The following CTNND2 variants were observed in gnomAD, a reference collection of about 807,000 sequenced individuals.
The protein encoded by CTNND2 is catenin delta 2.
Under a neutral mutation model 144.4 loss-of-function variants are expected in CTNND2, and 22 were observed. That is an observed-to-expected ratio of 0.15 (90% confidence interval 0.11 to 0.22). The LOEUF (loss-of-function observed/expected upper bound fraction) is 0.22. Among genes scored for constraint, CTNND2 ranks in the 10% least tolerant of loss-of-function variants. The probability of loss-of-function intolerance (pLI) is 1.00; values close to 1 mark genes in which losing one functional copy is unlikely to be tolerated. For missense variants in CTNND2, 1,353 were observed against 1,618.8 expected (o/e 0.84, Z 2.82); for synonymous variants, 751 against 695.6 (o/e 1.08, Z -1.25).
intron 12 of CTNND2, among the ~76,000 whole-genome samples, chr5:11,152,119 G>A (rs1183380041): frequency 6.6e-6 from 1 of 152,134 alleles, no homozygotes; most frequent in Non-Finnish European, 1.5e-5. Flanking sequence ...GATCAGCCAC[G>A]GAGATACTGA....
intron 18 of CTNND2, among the ~76,000 whole-genome samples, chr5:11,007,946 T>C (rs555262916): frequency 2.9e-4 from 44 of 152,312 alleles, no homozygotes; most frequent in African/African-American, 9.9e-4. Context: ...ACTGGAAGTA[T>C]TTACATTCTT....
At chr5:11,137,641 G>T (rs552648853) in intron 12 of CTNND2, among the ~76,000 whole-genome samples, 3 of 152,312 alleles carry the variant, frequency 2.0e-5, no homozygotes, top group African/African-American at 7.2e-5. Flanking sequence ...AAGAAAGCAG[G>T]TGACTGATGA....
rs150636489 is a variant in CTNND2, at chr5:11,208,182, G to A, written c.1762-8521C>T. Among the ~76,000 whole-genome samples, 832 of 152,134 alleles carry A rather than the reference G, an allele frequency of 5.5e-3. 5 individuals carry two copies. Among genetic ancestry groups the A allele is most frequent in the African/African-American group, 0.016 (646 of 41,518 alleles). Reference sequence around the variant, plus strand: ...TGGGAAATTTCTGTATGAAGAAAACGACATGTATTTACTGAAATACATAAA... The same window carrying A: ...TGGGAAATTTCTGTATGAAGAAAACAACATGTATTTACTGAAATACATAAA... On this transcript the variant is annotated intron_variant, in intron 10 of 21. Coordinates refer to ENST00000304623, the MANE Select transcript of CTNND2 (RefSeq NM_001332.4).
chr5:11,351,495 G>C (rs535211657), intron 8 of CTNND2, among the ~76,000 whole-genome samples: 1 of 152,286 alleles, frequency 6.6e-6, no homozygotes, highest in South Asian at 2.1e-4. Context: ...TAAGGGCCTA[G>C]TTTATAAAGG....
chr5:11,149,371 C>A (rs1311865627), intron 12 of CTNND2, among the ~76,000 whole-genome samples: 1 of 152,130 alleles, frequency 6.6e-6, no homozygotes, highest in Non-Finnish European at 1.5e-5. Context: ...CCGGGAAGAA[C>A]AATGGTCTGG....
intron 3 of CTNND2, among the ~76,000 whole-genome samples, chr5:11,454,736 G>T (rs914480668): frequency 1.3e-5 from 2 of 151,740 alleles, no homozygotes; most frequent in African/African-American, 4.8e-5. Context: ...AAGTATCTGG[G>T]ACTACAGGAA....
At chr5:11,770,810 G>A (rs1048676727) in intron 1 of CTNND2, among the ~76,000 whole-genome samples, 11 of 152,240 alleles carry the variant, frequency 7.2e-5, no homozygotes, top group Middle Eastern at 3.4e-3. Flanking sequence ...GAGAATATGT[G>A]TGTGAGAGAG....
chr5:11,244,681 C>T (rs1327135854), intron 9 of CTNND2, among the ~76,000 whole-genome samples: 2 of 152,162 alleles, frequency 1.3e-5, no homozygotes, highest in African/African-American at 4.8e-5. Context: ...GTAAGCTCAA[C>T]GGTTATACCA....
Position 11,519,475 on chromosome 5 carries a change from C to T in CTNND2, c.287+45469G>A, listed in dbSNP as rs554832372. Among the ~76,000 whole-genome samples, 339 of 150,208 alleles carry T rather than the reference C, an allele frequency of 2.3e-3. 3 individuals are homozygous for T. The highest frequency in any genetic ancestry group is 7.9e-3 in the African/African-American group (322 of 40,836). On this transcript the variant is annotated intron_variant, in intron 3 of 21. Transcript: ENST00000304623. ...ATTCCCAGCCACTGTGACTTAAAGG[C>T]TCTATGGTTTACTTTTCATTCTCTT...
intron 2 of CTNND2, among the ~76,000 whole-genome samples, chr5:11,662,575 C>G (rs1783331556): frequency 6.6e-6 from 1 of 152,080 alleles, no homozygotes; most frequent in Non-Finnish European, 1.5e-5. Flanking sequence ...AAGGGTGGGT[C>G]TGTCTTTCCC....
chr5:11,573,499 A>G (rs1399253907), intron 2 of CTNND2, among the ~76,000 whole-genome samples: 1 of 152,188 alleles, frequency 6.6e-6, no homozygotes, highest in Non-Finnish European at 1.5e-5. Flanking sequence ...CACAAATGAC[A>G]GGGTAATAAT....
chr5:11,597,337 A>G (rs764701679), intron 2 of CTNND2, among the ~76,000 whole-genome samples: 1 of 152,172 alleles, frequency 6.6e-6, no homozygotes, highest in Non-Finnish European at 1.5e-5. Context: ...GGCTTTGCTT[A>G]CAGCTTTGTA....
rs971910563 is a variant in CTNND2, at chr5:11,871,924, T to C, written c.37+31893A>G. The stretch of plus-strand genomic sequence containing the variant: ...AAATCTATTCATTCTTTTTTATTAT[T>C]ATCACAAGTTCTGGGACACATGTGC... On this transcript the variant is annotated intron_variant, in intron 1 of 21. Transcript: ENST00000304623. Among the ~76,000 whole-genome samples the C allele has an allele frequency of 2.6e-5, 4 of 152,310 alleles. 1 individual carries two copies. Among genetic ancestry groups the C allele is most frequent in the Admixed American group, 6.5e-5 (1 of 15,302 alleles).
chr5:11,023,105 A>T (rs1184435384), intron 16 of CTNND2, 126 bp from the exon 17 acceptor site: 11 of 764,044 alleles, frequency 1.4e-5, no homozygotes, highest in Admixed American at 2.1e-5. Flanking sequence ...TTTGTTTCCC[A>T]TCACTGAATG....
intron 3 of CTNND2, among the ~76,000 whole-genome samples, chr5:11,556,737 C>T (rs897560651): frequency 5.4e-5 from 6 of 110,196 alleles, no homozygotes; most frequent in Non-Finnish European, 7.3e-5. Context: ...GTATGGCAGA[C>T]TTTGTTGGAA....
chr5:11,240,115 C>CACACACACCCCCA (rs1214475211), intron 9 of CTNND2, among the ~76,000 whole-genome samples: 1 of 151,460 alleles, frequency 6.6e-6, no homozygotes, highest in Admixed American at 6.6e-5. Flanking sequence ...ACAACACACA[C>CACACACACCCCCA]ACACACACCC....
At chr5:11,029,658 A>G (rs926982068) in intron 16 of CTNND2, among the ~76,000 whole-genome samples, 3 of 152,250 alleles carry the variant, frequency 2.0e-5, no homozygotes, top group African/African-American at 7.2e-5. Context: ...AAAACGAATT[A>G]TGTAGAAAAT....
At chr5:11,801,076 C>G (rs1036307669) in intron 1 of CTNND2, among the ~76,000 whole-genome samples, 3 of 152,182 alleles carry the variant, frequency 2.0e-5, no homozygotes, top group Non-Finnish European at 4.4e-5. Flanking sequence ...TAAACACTTT[C>G]AGGGCTGTTC....
chr5:11,244,280 A>ATTTTTT (rs11322159), intron 9 of CTNND2, among the ~76,000 whole-genome samples: 7 of 104,102 alleles, frequency 6.7e-5, no homozygotes, highest in African/African-American at 1.6e-4. Context: ...GTCCTATACA[A>ATTTTTT]TTTTTTTTTT....
Sources: allele counts gnomAD v4.1 joint callset (sites outside exome capture counted in the v4.1 genomes callset), GRCh38; gene constraint gnomAD v4.1.1; transcripts MANE v1.5; gene names NCBI Gene and HGNC (gene_info 2026-07-23, HGNC 2026-07-21).